Variants in MYRFL observed in about 807,000 individuals in gnomAD.
MYRFL encodes the protein myelin regulatory factor like.
In MYRFL, 88 loss-of-function variants were observed where a neutral mutation model predicts 109.4. The ratio of observed to expected loss-of-function variants is 0.80; its 90% CI spans 0.68 to 0.96. The LOEUF (loss-of-function observed/expected upper bound fraction) is 0.96, where lower values mean the gene tolerates loss of function less well. MYRFL is among the 40% of genes least tolerant of loss of function. The pLI is 0.00. For missense variants in MYRFL, 957 were observed against 954.9 expected (o/e 1.00, Z -0.03); for synonymous variants, 324 against 320.9 (o/e 1.01, Z -0.10).
chr12:69,891,645 CTT>C (rs1886872706), intron 7 of MYRFL, among the ~76,000 whole-genome samples: 6 of 88,606 alleles, frequency 6.8e-5, no homozygotes, highest in African/African-American at 5.1e-5. Flanking sequence ...CTTTTTCTTT[CTT>C]TCTTTCTTTC....
chr12:69,891,609 T>TTCTTTC lies in MYRFL; in HGVS notation c.903+445_903+450dup, dbSNP rs1566002039. On this transcript the variant is annotated intron_variant, in intron 7 of 24. Coordinates refer to ENST00000552032, the MANE Select transcript of MYRFL (RefSeq NM_182530.3). ...TCTTTCTTTCTTTCTTTCTTTCTCT[T>TTCTTTC]TCTTTCTTTCTTTCCTCCTTCCTTT... 2.0e-3 allele frequency among the ~76,000 whole-genome samples: 210 copies of TTCTTTC among 105,690 alleles called. 2 individuals carry two copies. The highest frequency in any genetic ancestry group is 9.2e-3 in the African/African-American group (194 of 21,176). 69.3% of individuals were successfully genotyped at this position (105,690 alleles called of 152,430 possible). A position where few individuals can be genotyped will look rare whatever the true frequency, so the allele number is the denominator to read the frequency against.
At chr12:69,951,400 G>T (rs1222183731) in intron 19 of MYRFL, among the ~76,000 whole-genome samples, 1 of 150,032 alleles carries the variant, frequency 6.7e-6, no homozygotes, top group Non-Finnish European at 1.5e-5. Context: ...TAGCCCTAGG[G>T]TCTCCCTGTG....
rs1883730041 is a variant in MYRFL, at chr12:69,849,051, T to C, written c.47-6229T>C. 1.3e-5 allele frequency among the ~76,000 whole-genome samples: 2 copies of C among 152,166 alleles called. 1 individual carries two copies. The highest frequency in any genetic ancestry group is 4.1e-4 in the South Asian group (2 of 4,826). The stretch of plus-strand genomic sequence containing the variant: ...CACACCCAGCTAATTTTTGTATTTT[T>C]AGTAGAGACAGGGTTTCACCATGTT... On this transcript the variant is annotated intron_variant, in intron 1 of 24. Transcript: ENST00000552032.
chr12:69,908,812 AC>A (rs1954461224), intron 11 of MYRFL, among the ~76,000 whole-genome samples: 1 of 152,140 alleles, frequency 6.6e-6, no homozygotes, highest in South Asian at 2.1e-4. Flanking sequence ...ACATAGGTAA[AC>A]TTGTGTCATG....
At position 69,955,528 on chromosome 12, in the gene MYRFL, A is replaced by G. The variant is rs530257145; in HGVS notation, c.2450+91A>G. ...CTTCACAATTTGGTCAGTCGTTAAG[A>G]GGCAGAAAGCTATCAGTTTGTGTTA... On this transcript the variant is annotated intron_variant, in intron 22 of 24. Transcript: ENST00000552032. The G allele has an allele frequency of 1.5e-4, 80 of 523,240 alleles. 2 individuals are homozygous for G. The South Asian group carries it at 2.2e-3, about 15-fold the overall frequency. The allele number at this position is 523,240 out of a possible 1,614,324, so 32.4% of individuals were successfully genotyped here.
intron 15 of MYRFL, 81 bp downstream of exon 15, chr12:69,927,829 T>C: frequency 7.7e-7 from 1 of 1,297,924 alleles, no homozygotes; most frequent in Non-Finnish European, 1.0e-6. Flanking sequence ...AGAATTTTTT[T>C]CTCATTTCTT....
chr12:69,891,746 T>A (rs1886926527), intron 7 of MYRFL, among the ~76,000 whole-genome samples: 1 of 150,714 alleles, frequency 6.6e-6, no homozygotes, highest in Non-Finnish European at 1.5e-5. Context: ...TCACCCAGGC[T>A]GGAGCACAGC....
chr12:69,890,595 G>A (rs945681039), intron 6 of MYRFL, among the ~76,000 whole-genome samples: 8 of 152,104 alleles, frequency 5.3e-5, no homozygotes, highest in South Asian at 2.1e-4. Flanking sequence ...TTAGCCGGGC[G>A]TGGTGGTGTG....
At chr12:69,939,037 G>T (rs2120496514) in intron 19 of MYRFL, among the ~76,000 whole-genome samples, 1 of 152,280 alleles carries the variant, frequency 6.6e-6, no homozygotes, top group East Asian at 1.9e-4. Context: ...GGCTCGGAGG[G>T]TCCTACCCCA....
rs957441529 is a variant in MYRFL, at chr12:69,953,031, A to G, written c.2375+145A>G. 60 of 593,908 alleles carry G rather than the reference A, an allele frequency of 1.0e-4. No individual in the cohort carries two copies. In the South Asian group the frequency reaches 1.3e-3, roughly 12 times the overall value. The allele number at this position is 593,908 out of a possible 1,614,324, so 36.8% of individuals were successfully genotyped here. On this transcript the variant is annotated intron_variant, in intron 21 of 24. Coordinates refer to ENST00000552032, the MANE Select transcript of MYRFL (RefSeq NM_182530.3). Reference sequence around the variant, plus strand: ...CCTTAAGTGAAAACATCTTTATTACATGGTGGGAGAAAGAATCATAAAACA... The same window carrying G: ...CCTTAAGTGAAAACATCTTTATTACGTGGTGGGAGAAAGAATCATAAAACA...
chr12:69,854,129 G>A (rs991460305), intron 1 of MYRFL, among the ~76,000 whole-genome samples: 14 of 152,208 alleles, frequency 9.2e-5, no homozygotes, highest in African/African-American at 1.7e-4. Context: ...CAGATCACTC[G>A]CGGTCAGGAG....
intron 19 of MYRFL, among the ~76,000 whole-genome samples, chr12:69,939,949 G>A (rs1002688717): frequency 4.6e-5 from 7 of 152,202 alleles, no homozygotes; most frequent in Non-Finnish European, 1.0e-4. Context: ...ATCAGCAATG[G>A]AAGATGAAAT....
At chr12:69,891,605 C>CTTTCTTTCTTTCTTTCTT (rs1555249258) in intron 7 of MYRFL, among the ~76,000 whole-genome samples, 3 of 53,124 alleles carry the variant, frequency 5.6e-5, no homozygotes, top group Admixed American at 2.1e-4. Flanking sequence ...TTCTTTCTTT[C>CTTTCTTTCTTTCTTTCTT]TCTTTCTTTC....
chr12:69,891,637 T>TTCCTCC, intron 7 of MYRFL, among the ~76,000 whole-genome samples: 1 of 53,788 alleles, frequency 1.9e-5, no homozygotes, highest in African/African-American at 5.7e-5. Flanking sequence ...CTTCCTTTCT[T>TTCCTCC]TTTCTTTCTT....
At chr12:69,896,874 T>A (rs771352235) in intron 9 of MYRFL, among the ~76,000 whole-genome samples, 12 of 152,324 alleles carry the variant, frequency 7.9e-5, no homozygotes, top group Non-Finnish European at 1.6e-4. Context: ...TCCTGGGATG[T>A]CTCCGCAGGG....
intron 13 of MYRFL, among the ~76,000 whole-genome samples, chr12:69,918,519 G>T (rs767470432): frequency 6.6e-6 from 1 of 152,200 alleles, no homozygotes; most frequent in Non-Finnish European, 1.5e-5. Context: ...TGGGGTGCAG[G>T]ATACACACAG....
intron 10 of MYRFL, among the ~76,000 whole-genome samples, chr12:69,899,790 A>G (rs752320379): frequency 6.6e-5 from 10 of 152,136 alleles, no homozygotes; most frequent in Non-Finnish European, 1.3e-4. Context: ...GTAATTATTC[A>G]TCTGGGTTGT....
At chr12:69,949,302 CG>C (rs1319354693) in intron 19 of MYRFL, among the ~76,000 whole-genome samples, 2 of 151,646 alleles carry the variant, frequency 1.3e-5, no homozygotes, top group Non-Finnish European at 2.9e-5. Flanking sequence ...GTGTACTTAG[CG>C]ACCCACTAAA....
At chr12:69,855,838 C>G (rs1287671473) in intron 2 of MYRFL, among the ~76,000 whole-genome samples, 11 of 151,394 alleles carry the variant, frequency 7.3e-5, no homozygotes, top group Admixed American at 7.2e-4. Flanking sequence ...TTTAATCTCT[C>G]AAAGTACCAG....
Sources: allele counts gnomAD v4.1 joint callset (sites outside exome capture counted in the v4.1 genomes callset), GRCh38; gene constraint gnomAD v4.1.1; transcripts MANE v1.5; gene names NCBI Gene and HGNC (gene_info 2026-07-23, HGNC 2026-07-21).